The following GALNTL6 variants were observed in gnomAD, a reference collection of about 807,000 sequenced individuals.
GALNTL6 encodes the protein polypeptide N-acetylgalactosaminyltransferase like 6, also known as polypeptide N-acetylgalactosaminyltransferase-like 6.
GALNTL6 carries 46 observed loss-of-function variants against 73.7 expected under a neutral mutation model. That is an observed-to-expected ratio of 0.62 (90% CI 0.49 to 0.80). The LOEUF is 0.80. Among genes scored for constraint, GALNTL6 ranks in the 30% least tolerant of loss-of-function variants. GALNTL6 has a pLI of 0.00. For missense variants in GALNTL6, 604 were observed against 755.0 expected (o/e 0.80, Z 2.34); for synonymous variants, 259 against 263.7 (o/e 0.98, Z 0.17).
At chr4:172,103,304 C>T (rs772681206) in intron 2 of GALNTL6, among the ~76,000 whole-genome samples, 5 of 152,082 alleles carry the variant, frequency 3.3e-5, no homozygotes, top group South Asian at 4.2e-4. Flanking sequence ...ATGCTAAGGC[C>T]GACGATTTTA....
At chr4:172,626,620 A>G (rs1260307548) in intron 5 of GALNTL6, among the ~76,000 whole-genome samples, 1 of 151,946 alleles carries the variant, frequency 6.6e-6, no homozygotes, top group Admixed American at 6.6e-5. Context: ...CATTTTAACA[A>G]TACTGATGAG....
intron 5 of GALNTL6, among the ~76,000 whole-genome samples, chr4:172,491,153 G>C (rs1256472971): frequency 6.6e-6 from 1 of 152,090 alleles, no homozygotes; most frequent in Non-Finnish European, 1.5e-5. Flanking sequence ...GTAATTTCTA[G>C]AATGAGTTAG....
At chr4:172,535,091 A>T (rs1349966741) in intron 5 of GALNTL6, among the ~76,000 whole-genome samples, 1 of 152,162 alleles carries the variant, frequency 6.6e-6, no homozygotes, top group Non-Finnish European at 1.5e-5. Context: ...CCATGTTTAG[A>T]CTCACATTTT....
At chr4:172,299,557 G>T (rs1451945607) in intron 3 of GALNTL6, among the ~76,000 whole-genome samples, 3 of 152,096 alleles carry the variant, frequency 2.0e-5, no homozygotes, top group Non-Finnish European at 4.4e-5. Context: ...CAGAGATTCT[G>T]GTATGTTTTG....
At chr4:171,967,564 AT>A (rs1336549151) in intron 2 of GALNTL6, among the ~76,000 whole-genome samples, 4 of 151,174 alleles carry the variant, frequency 2.6e-5, no homozygotes, top group Non-Finnish European at 4.4e-5. Flanking sequence ...CAGCTGGTGC[AT>A]TTCATGTCTA....
intron 2 of GALNTL6, among the ~76,000 whole-genome samples, chr4:172,151,266 A>G (rs1017763047): frequency 3.3e-5 from 5 of 152,188 alleles, no homozygotes; most frequent in Non-Finnish European, 5.9e-5. Context: ...AATAGCTCCA[A>G]CTCATCAGTA....
intron 3 of GALNTL6, among the ~76,000 whole-genome samples, chr4:172,249,836 A>C (rs6833831): frequency 6.6e-6 from 1 of 152,130 alleles, no homozygotes. Context: ...AAACACCTGG[A>C]CATCCAGGCA....
At chr4:172,054,484 T>C (rs895975390) in intron 2 of GALNTL6, among the ~76,000 whole-genome samples, 5 of 152,150 alleles carry the variant, frequency 3.3e-5, no homozygotes, top group African/African-American at 1.2e-4. Context: ...CTAGGAAGTC[T>C]AAGATCAAGG....
rs536638320 is a variant in GALNTL6, at chr4:172,736,375, C to T, written c.554-72986C>T. Among the ~76,000 whole-genome samples, 7 of 152,306 alleles carry T rather than the reference C, an allele frequency of 4.6e-5. No homozygotes were observed. In the South Asian group the frequency reaches 8.3e-4, roughly 18 times the overall value. On this transcript the variant is annotated intron_variant, in intron 5 of 12. Coordinates refer to ENST00000506823, the MANE Select transcript of GALNTL6 (RefSeq NM_001034845.3). ...GTGATATTTCCCCTATTCGCTTTTG[C>T]GAGAAGAGAAATATGACTCTATTCT...
chr4:171,868,887 G>A (rs113531103), intron 2 of GALNTL6, among the ~76,000 whole-genome samples: 17 of 152,140 alleles, frequency 1.1e-4, no homozygotes, highest in African/African-American at 4.1e-4. Context: ...CACCATGTTG[G>A]CCAGGCTGGT....
intron 5 of GALNTL6, among the ~76,000 whole-genome samples, chr4:172,468,522 T>C (rs1579100380): frequency 1.3e-5 from 2 of 152,222 alleles, no homozygotes; most frequent in East Asian, 3.8e-4. Flanking sequence ...TTATATTCAT[T>C]TTGAAGATGC....
At chr4:172,429,999 G>T (rs1366866312) in intron 5 of GALNTL6, among the ~76,000 whole-genome samples, 1 of 151,890 alleles carries the variant, frequency 6.6e-6, no homozygotes, top group East Asian at 1.9e-4. Flanking sequence ...AAAACTAATA[G>T]ATATGATATT....
intron 2 of GALNTL6, among the ~76,000 whole-genome samples, chr4:171,879,505 T>C (rs181214743): frequency 1.4e-4 from 22 of 152,276 alleles, no homozygotes; most frequent in Non-Finnish European, 4.4e-5. Context: ...TTCTGTAATA[T>C]ATCGATCACA....
chr4:172,577,622 C>G (rs1256723339), intron 5 of GALNTL6, among the ~76,000 whole-genome samples: 3 of 152,054 alleles, frequency 2.0e-5, no homozygotes, highest in Non-Finnish European at 4.4e-5. Context: ...CAGTTTCTCC[C>G]GGTGGCTGTT....
intron 12 of GALNTL6, among the ~76,000 whole-genome samples, chr4:173,033,039 C>T (rs1243969350): frequency 1.3e-5 from 2 of 152,154 alleles, no homozygotes; most frequent in East Asian, 1.9e-4. Context: ...CTCGCTCTGT[C>T]GCCCAGGCTA....
intron 2 of GALNTL6, among the ~76,000 whole-genome samples, chr4:171,833,524 A>T (rs1735030936): frequency 6.6e-6 from 1 of 151,686 alleles, no homozygotes; most frequent in Non-Finnish European, 1.5e-5. Context: ...CTAGTAGTAG[A>T]TTCTGCATTT....
At chr4:172,680,968 G>A (rs896636155) in intron 5 of GALNTL6, among the ~76,000 whole-genome samples, 4 of 152,116 alleles carry the variant, frequency 2.6e-5, no homozygotes, top group Admixed American at 2.6e-4. Flanking sequence ...GAATGAAAGA[G>A]GCCCTGAGCA....
intron 5 of GALNTL6, among the ~76,000 whole-genome samples, chr4:172,446,358 C>T (rs557229699): frequency 1.1e-4 from 16 of 152,152 alleles, no homozygotes; most frequent in African/African-American, 1.4e-4. Flanking sequence ...TTTAAAAATA[C>T]ATTGAGATTG....
chr4:172,032,447 T>C (rs1270320295), intron 2 of GALNTL6, among the ~76,000 whole-genome samples: 3 of 152,092 alleles, frequency 2.0e-5, no homozygotes, highest in Admixed American at 6.6e-5. Context: ...AGAATTATCT[T>C]AAAATTAATA....
Sources: gnomAD v4.1 joint callset for allele counts (sites outside exome capture counted in the v4.1 genomes callset) on GRCh38, gnomAD v4.1.1 for gene constraint, MANE v1.5 for transcripts, NCBI Gene and HGNC (gene_info 2026-07-23, HGNC 2026-07-21) for gene names.